GATAD2B: variants seen among roughly 807,000 people sequenced by gnomAD.
GATAD2B encodes the protein GATA zinc finger domain containing 2B, also known as transcriptional repressor p66-beta.
In GATAD2B, 8 loss-of-function variants were observed where a neutral mutation model predicts 64.3. The ratio of observed to expected loss-of-function variants is 0.12; its 90% confidence interval spans 0.07 to 0.22. The LOEUF (loss-of-function observed/expected upper bound fraction) is 0.22, where lower values mean the gene tolerates loss of function less well. Among genes scored for constraint, GATAD2B ranks in the 10% least tolerant of loss-of-function variants. The probability of loss-of-function intolerance (pLI) is 1.00; values close to 1 mark genes in which losing one functional copy is unlikely to be tolerated. For missense variants in GATAD2B, 453 were observed against 752.0 expected (o/e 0.60, Z 4.65); for synonymous variants, 281 against 271.3 (o/e 1.04, Z -0.35).
intron 2 of GATAD2B, among the ~76,000 whole-genome samples, chr1:153,824,075 T>A (rs1218542850): frequency 1.3e-5 from 2 of 152,164 alleles, no homozygotes; most frequent in Admixed American, 1.3e-4. Flanking sequence ...GAAATAGCTG[T>A]CAGTATATCT....
intron 1 of GATAD2B, among the ~76,000 whole-genome samples, chr1:153,882,498 G>A (rs1481942618): frequency 6.6e-6 from 1 of 152,116 alleles, no homozygotes; most frequent in Non-Finnish European, 1.5e-5. Flanking sequence ...AGCTGAATCC[G>A]CACCTAACAC....
chr1:153,820,274 A>C (rs1197710842), intron 2 of GATAD2B, among the ~76,000 whole-genome samples: 1 of 152,156 alleles, frequency 6.6e-6, no homozygotes, highest in Non-Finnish European at 1.5e-5. Flanking sequence ...TACTTACCAG[A>C]GTTTTATCCA....
At chr1:153,886,840 T>A (rs945681149) in intron 1 of GATAD2B, among the ~76,000 whole-genome samples, 1 of 152,096 alleles carries the variant, frequency 6.6e-6, no homozygotes, top group Non-Finnish European at 1.5e-5. Flanking sequence ...ATTACAGGCA[T>A]GAGCCACTGC....
intron 1 of GATAD2B, among the ~76,000 whole-genome samples, chr1:153,902,540 A>C (rs969372245): frequency 6.6e-6 from 1 of 152,038 alleles, no homozygotes; most frequent in African/African-American, 2.4e-5. Flanking sequence ...ATGCAGCCTC[A>C]ACCTCCCGGG....
intron 1 of GATAD2B, among the ~76,000 whole-genome samples, chr1:153,882,751 G>A (rs914830311): frequency 6.6e-6 from 1 of 150,784 alleles, no homozygotes; most frequent in African/African-American, 2.5e-5. Context: ...ACATCCCTAT[G>A]TCATTCTATA....
intron 1 of GATAD2B, chr1:153,852,280 G>A: frequency 1.7e-6 from 2 of 1,176,522 alleles, no homozygotes; most frequent in South Asian, 1.3e-5. Context: ...ATTTTCTGCA[G>A]CTGCCCCTTG....
chr1:153,896,766 G>A (rs956590993), intron 1 of GATAD2B, among the ~76,000 whole-genome samples: 1 of 151,890 alleles, frequency 6.6e-6, no homozygotes, highest in African/African-American at 2.4e-5. Flanking sequence ...GGTCAATGAA[G>A]CAACTCCTAA....
chr1:153,828,034 A>C lies in GATAD2B; in HGVS notation c.314T>G (p.Val105Gly), dbSNP rs1190131115. The C allele has an allele frequency of 6.2e-7, 1 of 1,613,916 alleles. No homozygotes were observed. Among genetic ancestry groups the C allele is most frequent in the Non-Finnish European group, 8.5e-7 (1 of 1,179,936 alleles). ...PGKENINDEP[V>G]DMSARRSEPE... ...ATACCTCCGTCTAGCACTCATATCC[A>C]CAGGCTCATCATTGATGTTTTCTTT... Residue 105 changes from valine (V) to glycine (G), a missense_variant, in exon 2 of 11, where the codon GTG becomes GGG. This residue lies in a region of GATAD2B where 293 missense variants were observed against 417.2 expected (regional missense o/e 0.70). Coordinates refer to ENST00000368655, the MANE Select transcript of GATAD2B (RefSeq NM_020699.4).
intron 1 of GATAD2B, among the ~76,000 whole-genome samples, chr1:153,876,947 G>A (rs1421286076): frequency 6.6e-6 from 1 of 152,178 alleles, no homozygotes; most frequent in African/African-American, 2.4e-5. Context: ...AGGGCGGCGG[G>A]TGGAGGTTAC....
chr1:153,860,965 A>G (rs939600992), intron 1 of GATAD2B, among the ~76,000 whole-genome samples: 4 of 152,200 alleles, frequency 2.6e-5, no homozygotes, highest in African/African-American at 9.7e-5. Context: ...CCTAACCAGT[A>G]TATAACAGGC....
At chr1:153,832,453 G>A (rs1422942870) in intron 1 of GATAD2B, among the ~76,000 whole-genome samples, 1 of 152,134 alleles carries the variant, frequency 6.6e-6, no homozygotes, top group Non-Finnish European at 1.5e-5. Flanking sequence ...GAGAAATGAG[G>A]AAGCTGCAAA....
At chr1:153,892,155 C>T (rs1192770655) in intron 1 of GATAD2B, among the ~76,000 whole-genome samples, 2 of 134,048 alleles carry the variant, frequency 1.5e-5, no homozygotes, top group Non-Finnish European at 3.1e-5. Context: ...CAGAGTGAGA[C>T]TCCGTCTCAA....
At chr1:153,851,978 A>G in intron 1 of GATAD2B, 1 of 326,356 alleles carries the variant, frequency 3.1e-6, no homozygotes, top group South Asian at 9.2e-5. Context: ...AATAACTATA[A>G]TTGAGGGCCT....
intron 1 of GATAD2B, among the ~76,000 whole-genome samples, chr1:153,839,409 C>A (rs1675396094): frequency 6.6e-6 from 1 of 152,062 alleles, no homozygotes; most frequent in Non-Finnish European, 1.5e-5. Flanking sequence ...CTTCACAAGG[C>A]AATGTACAAG....
intron 1 of GATAD2B, among the ~76,000 whole-genome samples, chr1:153,860,459 C>T (rs1310350414): frequency 6.6e-6 from 1 of 151,804 alleles, no homozygotes; most frequent in Admixed American, 6.6e-5. Flanking sequence ...CTTAGCTTCC[C>T]GAAGAGCTAG....
chr1:153,881,771 T>C (rs1349659858), intron 1 of GATAD2B, among the ~76,000 whole-genome samples: 1 of 144,788 alleles, frequency 6.9e-6, no homozygotes, highest in Non-Finnish European at 1.5e-5. Context: ...GAGATGGGTT[T>C]AGGTTTTTTT....
intron 1 of GATAD2B, among the ~76,000 whole-genome samples, chr1:153,918,843 TG>T (rs1678345428): frequency 6.6e-6 from 1 of 151,886 alleles, no homozygotes; most frequent in African/African-American, 2.4e-5. Flanking sequence ...CCCAGCTACT[TG>T]GGAGGTTGAG....
intron 1 of GATAD2B, among the ~76,000 whole-genome samples, chr1:153,907,050 C>T (rs1677964281): frequency 6.6e-6 from 1 of 152,148 alleles, no homozygotes; most frequent in African/African-American, 2.4e-5. Flanking sequence ...GCATTGCTGA[C>T]AGAAATGTAA....
intron 1 of GATAD2B, among the ~76,000 whole-genome samples, chr1:153,848,480 T>G (rs1675765230): frequency 6.6e-6 from 1 of 152,178 alleles, no homozygotes; most frequent in Non-Finnish European, 1.5e-5. Flanking sequence ...ACACTCATGA[T>G]CCTTTATTCT....
Sources: allele counts gnomAD v4.1 joint callset (sites outside exome capture counted in the v4.1 genomes callset), GRCh38; gene constraint gnomAD v4.1.1; regional missense constraint gnomAD v4.1.1; transcripts MANE v1.5; gene names NCBI Gene and HGNC (gene_info 2026-07-23, HGNC 2026-07-21).